The following GAS7 variants were observed in gnomAD, a reference collection of about 807,000 sequenced individuals.
GAS7 encodes growth arrest specific 7.
GAS7 carries 28 observed loss-of-function variants against 71.1 expected under a neutral mutation model. The observed-to-expected ratio is 0.39, with a 90% CI of 0.29 to 0.54. The LOEUF (loss-of-function observed/expected upper bound fraction) is 0.54. Ranked by LOEUF, GAS7 falls within the 20% of genes least tolerant of loss-of-function variation. GAS7 has a pLI of 0.62. For missense variants in GAS7, 436 were observed against 627.8 expected (o/e 0.69, Z 3.27); for synonymous variants, 258 against 245.8 (o/e 1.05, Z -0.46).
At chr17:9,992,578 T>C (rs954899896) in intron 2 of GAS7, among the ~76,000 whole-genome samples, 1 of 151,044 alleles carries the variant, frequency 6.6e-6, no homozygotes, top group African/African-American at 2.4e-5. Context: ...TTTTTTATTG[T>C]AATTTTATTT....
At chr17:10,189,152 A>T (rs1047222526) in intron 1 of GAS7, among the ~76,000 whole-genome samples, 3 of 152,130 alleles carry the variant, frequency 2.0e-5, no homozygotes, top group Admixed American at 2.0e-4. Context: ...GATGGGGAAA[A>T]TACAAAAGGG....
At chr17:10,165,306 A>G (rs988141251) in intron 1 of GAS7, among the ~76,000 whole-genome samples, 5 of 151,502 alleles carry the variant, frequency 3.3e-5, no homozygotes, top group East Asian at 1.9e-4. Flanking sequence ...AAAAAAAAAA[A>G]AAAAAGAAAA....
chr17:10,138,503 G>A (rs528425513), intron 1 of GAS7, among the ~76,000 whole-genome samples: 105 of 152,156 alleles, frequency 6.9e-4, no homozygotes, highest in African/African-American at 2.1e-3. Flanking sequence ...AGTGGCTCAC[G>A]CCTGTATTAC....
chr17:9,997,483 A>G (rs1814673330), intron 2 of GAS7, among the ~76,000 whole-genome samples: 1 of 152,034 alleles, frequency 6.6e-6, no homozygotes, highest in African/African-American at 2.4e-5. Flanking sequence ...TGTTTCTCCT[A>G]CTCTCTACCC....
At chr17:10,093,976 T>A (rs1208856223) in intron 1 of GAS7, among the ~76,000 whole-genome samples, 3 of 152,200 alleles carry the variant, frequency 2.0e-5, no homozygotes, top group African/African-American at 7.2e-5. Flanking sequence ...GAAGCAAAGA[T>A]GTGGGAACTT....
chr17:10,076,066 T>C lies in GAS7; in HGVS notation c.184-56169A>G, dbSNP rs140969825. Among the ~76,000 whole-genome samples the C allele has an allele frequency of 2.4e-3, 319 of 134,742 alleles. 1 individual carries two copies. The highest frequency in any genetic ancestry group is 8.1e-3 in the Middle Eastern group (2 of 246). 88.4% of individuals were successfully genotyped at this position (134,742 alleles called of 152,430 possible). ...GTGGTGAGCCAAGAATGCACTATTG[T>C]ACTCCAGCCTTGGGAAGGGAAGAGG... On this transcript the variant is annotated intron_variant, in intron 1 of 13. Coordinates refer to ENST00000432992, the MANE Select transcript of GAS7 (RefSeq NM_201433.2).
chr17:9,917,130 C>G lies in GAS7; in HGVS notation c.*98G>C, dbSNP rs1206932600. ...AGCTCTCTCCCCTCTCCTCAGTGGC[C>G]CAGGAGAGAGGGTGGGGGGCATCCA... is the stretch of plus-strand genomic sequence containing the variant. On this transcript the variant is annotated 3_prime_UTR_variant, in exon 14 of 14. Transcript: ENST00000432992. The G allele has an allele frequency of 2.5e-6, 2 of 806,384 alleles. No homozygotes were observed. The highest frequency in any genetic ancestry group is 3.4e-5 in the African/African-American group (2 of 59,604). 50.0% of individuals were successfully genotyped at this position (806,384 alleles called of 1,614,324 possible). A position where few individuals can be genotyped will look rare whatever the true frequency, so the allele number is the denominator to read the frequency against.
At chr17:10,086,966 C>T (rs909784620) in intron 1 of GAS7, among the ~76,000 whole-genome samples, 1 of 152,220 alleles carries the variant, frequency 6.6e-6, no homozygotes, top group African/African-American at 2.4e-5. Flanking sequence ...ATCAGATCAA[C>T]CTAGAAAATC....
chr17:10,110,053 CAAAAAAAAAAA>C (rs956917519), intron 1 of GAS7, among the ~76,000 whole-genome samples: 1 of 73,520 alleles, frequency 1.4e-5, no homozygotes, highest in Non-Finnish European at 2.7e-5. Context: ...GGCTCCGTCT[CAAAAAAAAAAA>C]AAAAAAAAAG....
intron 1 of GAS7, among the ~76,000 whole-genome samples, chr17:10,082,650 T>C (rs1481690083): frequency 6.6e-6 from 1 of 152,242 alleles, no homozygotes; most frequent in Non-Finnish European, 1.5e-5. Context: ...TACGTACTTA[T>C]GCCAGAAAAG....
chr17:9,974,295 A>C lies in GAS7; in HGVS notation c.386-4533T>G, dbSNP rs903137132. Among the ~76,000 whole-genome samples the C allele has an allele frequency of 2.6e-5, 4 of 152,066 alleles. No individual in the cohort carries two copies. The highest frequency in any genetic ancestry group is 1.3e-4 in the Admixed American group (2 of 15,264). ...ACATTCAGAATACGTCTCAGTGGAG[A>C]TCTAGACAGTTATAGCCCACAAGAT... On this transcript the variant is annotated intron_variant, in intron 3 of 13. Transcript: ENST00000432992. This position sits in a 1 kb window ranked among gnomAD's most constrained non-coding sequence, Gnocchi z 4.0.
intron 12 of GAS7, among the ~76,000 whole-genome samples, chr17:9,918,837 T>C (rs1275312073): frequency 2.0e-5 from 3 of 152,086 alleles, no homozygotes; most frequent in African/African-American, 7.2e-5. Context: ...GCCCAGGTGA[T>C]TAATCAGAAA....
intron 2 of GAS7, among the ~76,000 whole-genome samples, chr17:9,986,702 G>C (rs1181148099): frequency 6.6e-6 from 1 of 152,152 alleles, no homozygotes; most frequent in Non-Finnish European, 1.5e-5. Context: ...TCAACTCCCA[G>C]ACCCCCCACA....
chr17:10,095,818 A>T (rs2073635947), intron 1 of GAS7, among the ~76,000 whole-genome samples: 1 of 151,514 alleles, frequency 6.6e-6, no homozygotes, highest in African/African-American at 2.4e-5. Context: ...AAAAAAAAAA[A>T]TAAGGTTCTC....
At chr17:10,148,877 T>C (rs1212367197) in intron 1 of GAS7, among the ~76,000 whole-genome samples, 5 of 124,794 alleles carry the variant, frequency 4.0e-5, no homozygotes, top group Non-Finnish European at 7.8e-5. Flanking sequence ...GTCACTGCAC[T>C]CCAACCTGGG....
In GAS7 at chr17:9,957,623, T is replaced by C. The variant is rs143503317; in HGVS notation, c.525+1579A>G. On this transcript the variant is annotated intron_variant, in intron 5 of 13. Transcript: ENST00000432992. The stretch of plus-strand genomic sequence containing the variant: ...CCTTTTTATGTATTTCAGAAGACTC[T>C]GGAGAGCTCCTGCTGTGCCCCAGCA... 9.9e-3 allele frequency among the ~76,000 whole-genome samples: 1,466 copies of C among 148,082 alleles called. 20 individuals carry two copies. Among genetic ancestry groups the C allele is most frequent in the East Asian group, 0.031 (148 of 4,810 alleles).
intron 1 of GAS7, among the ~76,000 whole-genome samples, chr17:10,033,485 A>C (rs7222232): frequency 0.013 from 1,906 of 152,298 alleles, 29 homozygotes; most frequent in African/African-American, 0.043. Flanking sequence ...TTGCATTCAA[A>C]ATGGATTTAA....
chr17:10,068,373 G>T (rs2073304821), intron 1 of GAS7, among the ~76,000 whole-genome samples: 2 of 152,134 alleles, frequency 1.3e-5, no homozygotes, highest in Non-Finnish European at 2.9e-5. Flanking sequence ...TGAAAACAGA[G>T]GCAGGCTATG....
chr17:10,041,174 A>AAGAAG (rs1555528020), intron 1 of GAS7, among the ~76,000 whole-genome samples: 3 of 151,044 alleles, frequency 2.0e-5, no homozygotes, highest in African/African-American at 4.9e-5. Flanking sequence ...AAAAAAAAAA[A>AAGAAG]AAGAAGAAGG....
Sources: gnomAD v4.1 joint callset for allele counts (sites outside exome capture counted in the v4.1 genomes callset) on GRCh38, gnomAD v4.1.1 for gene constraint, Gnocchi (gnomAD v3.1) non-coding constraint, MANE v1.5 for transcripts, NCBI Gene and HGNC (gene_info 2026-07-23, HGNC 2026-07-21) for gene names.